The following TRIM46 variants were observed in gnomAD, a reference collection of about 807,000 sequenced individuals.
The protein encoded by TRIM46 is tripartite motif containing 46.
A neutral mutation model predicts 69.7 loss-of-function variants in TRIM46; 17 were observed. That is an observed-to-expected ratio of 0.24 (90% CI 0.17 to 0.37). The LOEUF is 0.37. Among genes scored for constraint, TRIM46 ranks in the 10% least tolerant of loss-of-function variants. TRIM46 has a pLI of 1.00. For missense variants in TRIM46, 675 were observed against 1,025.1 expected, an observed-to-expected ratio of 0.66 and a Z score of 4.66; for synonymous variants, 391 against 429.0, an observed-to-expected ratio of 0.91 and a Z score of 1.09.
At chr1:155,180,456 G>T in intron 8 of TRIM46, 1 of 431,330 alleles carries the variant, frequency 2.3e-6, no homozygotes, top group Non-Finnish European at 4.2e-6. Context: ...TTAGCCAGGC[G>T]TGGTGGTGCG....
In TRIM46 at chr1:155,183,962, A is replaced by C. The variant is rs1360069780; in HGVS notation, c.2052A>C (p.Thr684=). 1.6e-5 allele frequency: 26 copies of C among 1,613,836 alleles called. 1 individual carries two copies. The Admixed American group carries it at 4.3e-4, about 27-fold the overall frequency. The change falls in exon 10 of 10, where the codon ACA becomes ACC. Residue 684 remains threonine, a synonymous_variant. Transcript: ENST00000334634. The part of the protein sequence containing the change: ...TGRDGPTAGC[T]VPLPPRLGIC... Reference sequence around the variant, plus strand: ...GGGATGGCCCCACAGCCGGCTGCACAGTGCCCCTGCCACCCCGCCTGGGCA... The same window carrying C: ...GGGATGGCCCCACAGCCGGCTGCACCGTGCCCCTGCCACCCCGCCTGGGCA...
rs763217497 is a variant in TRIM46, at chr1:155,178,019, C to A, written c.927C>A (p.Ala309=). 4 of 1,613,184 alleles carry A rather than the reference C, an allele frequency of 2.5e-6. No homozygotes were observed. Among genetic ancestry groups the A allele is most frequent in the Non-Finnish European group, 1.7e-6 (2 of 1,179,886 alleles). The change falls in exon 6 of 10, where the codon GCC becomes GCA. Residue 309 remains alanine (A), a synonymous_variant. Transcript: ENST00000334634. ...CTGGGCAGGTGAGTGGTCAGCAGGC[C>A]AAGGAGGAGGTGTCGCAGCTGGTGC... ...VRHTEVSGQQ[A]KEEVSQLVRG... is the part of the protein sequence containing the mutation.
Position 155,180,071 on chromosome 1 carries a change from C to T in TRIM46, c.1588+137C>T, listed in dbSNP as rs1666030900. On this transcript the variant is annotated intron_variant, in intron 8 of 9. Transcript: ENST00000334634. ...CACACACACTAGCTCTGGAGCTAGA[C>T]TGCTTGGGTTCAAATCCCAGCTCTG... is the stretch of plus-strand genomic sequence containing the variant. 3.8e-6 allele frequency: 4 copies of T among 1,043,576 alleles called. No homozygotes were observed. The East Asian group carries it at 8.1e-5, about 21-fold the overall frequency. 64.6% of individuals were successfully genotyped at this position (1,043,576 alleles called of 1,614,324 possible).
In TRIM46 at chr1:155,175,988, G is replaced by A. The variant is rs759122073; in HGVS notation, c.426G>A (p.Arg142=). 1 of 1,613,674 alleles carries A rather than the reference G, an allele frequency of 6.2e-7. No homozygotes were observed. Among genetic ancestry groups the A allele is most frequent in the South Asian group, 1.1e-5 (1 of 91,068 alleles). Reference sequence around the variant, plus strand: ...AAGGTGATGTGGAGCTTGGGGAGCGGGGTCTGGCAGGGCTTTTCCGGAACC... The same window carrying A: ...AAGGTGATGTGGAGCTTGGGGAGCGAGGTCTGGCAGGGCTTTTCCGGAACC... ...ACQGDVELGE[R]GLAGLFRNLT... The change falls in exon 3 of 10, where the codon CGG becomes CGA. Residue 142 remains arginine (R), a synonymous_variant. Coordinates refer to ENST00000334634, the MANE Select transcript of TRIM46 (RefSeq NM_025058.5). The surrounding 1 kb of genome is among the most constrained non-coding windows in gnomAD (Gnocchi z 4.2).
At chr1:155,178,739 T>TTGGGGGCCCCCCCCCCCCC in intron 7 of TRIM46, 126 bp downstream of exon 7, 1 of 1,348,468 alleles carries the variant, frequency 7.4e-7, no homozygotes, top group Non-Finnish European at 1.0e-6. Context: ...CAGCCATTCC[T>TTGGGGGCCCCCCCCCCCCC]CCCACCCAGC....
Position 155,184,348 on chromosome 1 carries a change from TG to T in TRIM46, c.*159del. 1 of 833,192 alleles carries T rather than the reference TG, an allele frequency of 1.2e-6. No individual in the cohort carries two copies. Among genetic ancestry groups the T allele is most frequent in the Non-Finnish European group, 1.8e-6 (1 of 552,636 alleles). The allele number at this position is 833,192 out of a possible 1,614,324, so 51.6% of individuals were successfully genotyped here. On this transcript the variant is annotated 3_prime_UTR_variant, in exon 10 of 10. Transcript: ENST00000334634. The surrounding 1 kb of genome is among the most constrained non-coding windows in gnomAD (Gnocchi z 5.6). ...TGTCTGTCTTCCCACAGTTTTCTCT[TG>T]ACCCAGGGGCTCTCTTCTGCCCACC...
At position 155,181,901 on chromosome 1, in the gene TRIM46, G is replaced by A; in HGVS notation, c.1638G>A (p.Leu546=). 3.1e-6 allele frequency: 5 copies of A among 1,613,710 alleles called. No homozygotes were observed. Among genetic ancestry groups the A allele is most frequent in the Non-Finnish European group, 4.2e-6 (5 of 1,179,812 alleles). ...DSRWGASRER[L]AISKDQRAVR... is the part of the protein sequence containing the mutation. ...GCTGGGGCGCAAGCCGAGAGCGGCT[G>A]GCTATCAGCAAGGACCAGCGAGCAG... is the stretch of plus-strand genomic sequence containing the variant. Residue 546 remains leucine, a synonymous_variant, in exon 9 of 10, where the codon CTG becomes CTA. Transcript: ENST00000334634. This position sits in a 1 kb window ranked among gnomAD's most constrained non-coding sequence, Gnocchi z 4.3.
Position 155,184,543 on chromosome 1 carries a change from C to T in TRIM46, c.*353C>T, listed in dbSNP as rs983763957. 8.4e-6 allele frequency: 2 copies of T among 237,612 alleles called. No individual in the cohort carries two copies. Among genetic ancestry groups the T allele is most frequent in the Non-Finnish European group, 1.6e-5 (2 of 121,388 alleles). The allele number at this position is 237,612 out of a possible 1,614,324, so 14.7% of individuals were successfully genotyped here. A position where few individuals can be genotyped will look rare whatever the true frequency, so the allele number is the denominator to read the frequency against. ...ATTGGGAGGGAGGGCACCTGGAACA[C>T]TGGGCATGATCTCCAGCTCTGCCCT... On this transcript the variant is annotated 3_prime_UTR_variant, in exon 10 of 10. Transcript: ENST00000334634. The surrounding 1 kb of genome is among the most constrained non-coding windows in gnomAD (Gnocchi z 5.6).
intron 1 of TRIM46, chr1:155,174,587 C>T: frequency 1.3e-6 from 2 of 1,526,092 alleles, no homozygotes; most frequent in Non-Finnish European, 1.8e-6. Context: ...TTGTTCCTCC[C>T]TCCTTTGTGT....
At chr1:155,179,970 A>G (rs1243683590) in intron 8 of TRIM46, 36 bp downstream of exon 8, 2 of 1,547,530 alleles carry the variant, frequency 1.3e-6, no homozygotes, top group Non-Finnish European at 1.7e-6. Flanking sequence ...TGCAAAGGGC[A>G]TGGGGTATGC....
chr1:155,178,739 T>TGGGGCCCCCCCCCCCCCC, intron 7 of TRIM46, 126 bp downstream of exon 7: 9 of 1,348,450 alleles, frequency 6.7e-6, no homozygotes, highest in African/African-American at 2.9e-5. Context: ...CAGCCATTCC[T>TGGGGCCCCCCCCCCCCCC]CCCACCCAGC....
chr1:155,175,368 C>T lies in TRIM46; in HGVS notation c.64-18C>T, dbSNP rs758527969. The T allele has an allele frequency of 1.2e-6, 2 of 1,613,120 alleles. No individual in the cohort carries two copies. Among genetic ancestry groups the T allele is most frequent in the Non-Finnish European group, 1.7e-6 (2 of 1,179,624 alleles). ...CTAAGTGTCCAAGCGCTGACCTAGC[C>T]TCCTGGTCCCTCCACAGACCAGCAT... On this transcript the variant is annotated intron_variant, in intron 1 of 9. Coordinates refer to ENST00000334634, the MANE Select transcript of TRIM46 (RefSeq NM_025058.5). This position sits in a 1 kb window ranked among gnomAD's most constrained non-coding sequence, Gnocchi z 4.2.
chr1:155,182,874 A>T (rs1268662574), intron 9 of TRIM46: 1 of 150,744 alleles, frequency 6.6e-6, no homozygotes, highest in Non-Finnish European at 1.5e-5. Context: ...TCTTCCCTTA[A>T]ACATCCCACC....
intron 1 of TRIM46, 160 bp downstream of exon 1, chr1:155,174,189 G>A (rs1665416115): frequency 2.3e-6 from 2 of 884,832 alleles, no homozygotes; most frequent in Non-Finnish European, 3.5e-6. Context: ...GTATGAGAGG[G>A]TAATCCCGGG....
At chr1:155,179,527 C>A in intron 7 of TRIM46, 105 bp from the exon 8 acceptor site, 1 of 1,057,792 alleles carries the variant, frequency 9.5e-7, no homozygotes, top group Non-Finnish European at 1.4e-6. Flanking sequence ...CTCACCCACA[C>A]TCACCCCCCC....
At position 155,184,303 on chromosome 1, in the gene TRIM46, T is replaced by C; in HGVS notation, c.*113T>C. The C allele has an allele frequency of 8.5e-7, 1 of 1,170,856 alleles. No individual in the cohort carries two copies. Among genetic ancestry groups the C allele is most frequent in the East Asian group, 2.6e-5 (1 of 39,090 alleles). 72.5% of individuals were successfully genotyped at this position (1,170,856 alleles called of 1,614,324 possible). A position where few individuals can be genotyped will look rare whatever the true frequency, so the allele number is the denominator to read the frequency against. Reference sequence around the variant, plus strand: ...TTCTCCCCCAAACTCTCCTACCATGTGGCCCTGCTCCTTCTCCCGTGTCTG... The same window carrying C: ...TTCTCCCCCAAACTCTCCTACCATGCGGCCCTGCTCCTTCTCCCGTGTCTG... On this transcript the variant is annotated 3_prime_UTR_variant, in exon 10 of 10. Coordinates refer to ENST00000334634, the MANE Select transcript of TRIM46 (RefSeq NM_025058.5). This position sits in a 1 kb window ranked among gnomAD's most constrained non-coding sequence, Gnocchi z 5.6.
chr1:155,178,739 T>TGCCCCCCCCCCCCCC lies in TRIM46; in HGVS notation c.1285+126_1285+127insGCCCCCCCCCCCCCC. 5 of 1,348,462 alleles carry TGCCCCCCCCCCCCCC rather than the reference T, an allele frequency of 3.7e-6. No individual in the cohort carries two copies. The South Asian group carries it at 3.8e-5, about 10-fold the overall frequency. The allele number at this position is 1,348,462 out of a possible 1,614,324, so 83.5% of individuals were successfully genotyped here. On this transcript the variant is annotated intron_variant, in intron 7 of 9. Transcript: ENST00000334634. ...CCTGCCCGGCCTGGCCAGCCATTCC[T>TGCCCCCCCCCCCCCC]CCCACCCAGCCCACCCTGCCACACC...
rs1394402313 is a variant in TRIM46 at position 155,181,089 on chromosome 1, A to G, written c.1589-763A>G. On this transcript the variant is annotated intron_variant, in intron 8 of 9. Transcript: ENST00000334634. The surrounding 1 kb of genome is among the most constrained non-coding windows in gnomAD (Gnocchi z 4.3). ...CTCTACTAAAAATGAAAATGAAAAT[A>G]ATTAGCTGGGTGTGGTTGCAGGCGC... Among the ~76,000 whole-genome samples the G allele has an allele frequency of 7.0e-6, 1 of 142,680 alleles. No homozygotes were observed. The highest frequency in any genetic ancestry group is 2.6e-5 in the African/African-American group (1 of 38,092). 93.6% of individuals were successfully genotyped at this position (142,680 alleles called of 152,430 possible).
At position 155,178,153 on chromosome 1, in the gene TRIM46, G is replaced by A. The variant is rs761195716; in HGVS notation, c.1061G>A (p.Arg354Gln). Reference protein sequence around the residue: ...ARLSAQIQEHRSLLDGSGLVG... With the variant: ...ARLSAQIQEHQSLLDGSGLVG... ...CTCAGCGCCCAGATCCAGGAGCACC[G>A]GAGCCTGCTGGATGGCTCAGGTCTG... The change falls in exon 6 of 10, where the codon CGG (arginine) becomes CAG (glutamine). Residue 354 changes from arginine (R) to glutamine (Q), a missense_variant. Around this residue, in one of 5 missense-constraint regions of TRIM46, gnomAD observed 361 missense variants for 498.3 expected, o/e 0.72. Transcript: ENST00000334634. 21 of 1,614,024 alleles carry A rather than the reference G, an allele frequency of 1.3e-5. No individual in the cohort carries two copies. The highest frequency in any genetic ancestry group is 1.1e-4 in the East Asian group (5 of 44,892).
Sources: allele counts gnomAD v4.1 joint callset (sites outside exome capture counted in the v4.1 genomes callset), GRCh38; gene constraint gnomAD v4.1.1; regional missense constraint gnomAD v4.1.1; non-coding constraint Gnocchi (gnomAD v3.1); transcripts MANE v1.5; gene names NCBI Gene and HGNC (gene_info 2026-07-23, HGNC 2026-07-21).